The following CSMD1 variants were observed in gnomAD, a reference collection of about 807,000 sequenced individuals.
CSMD1 encodes CUB and Sushi multiple domains 1.
In CSMD1, 213 loss-of-function variants were observed where a neutral mutation model predicts 417.5. The observed-to-expected ratio is 0.51, with a 90% CI of 0.46 to 0.57. CSMD1 has a LOEUF of 0.57. Among genes scored for constraint, CSMD1 ranks in the 20% least tolerant of loss-of-function variants. The pLI, the probability that CSMD1 is intolerant of heterozygous loss-of-function variation, is 0.00. For missense variants in CSMD1, 6,923 were observed against 4,529.7 expected, an observed-to-expected ratio of 1.53 and a Z score of -15.17; for synonymous variants, 2,862 against 1,736.8, an observed-to-expected ratio of 1.65 and a Z score of -16.11.
chr8:3,471,590 C>T (rs1359880705), intron 11 of CSMD1, among the ~76,000 whole-genome samples: 1 of 136,686 alleles, frequency 7.3e-6, no homozygotes, highest in African/African-American at 2.7e-5. Context: ...CTCCTTCCTT[C>T]CCTCCCTCCT....
chr8:3,464,481 T>C (rs562187199), intron 12 of CSMD1, among the ~76,000 whole-genome samples: 2 of 151,860 alleles, frequency 1.3e-5, no homozygotes, highest in Admixed American at 6.6e-5. Context: ...AAATATAAAA[T>C]GGAGAAACTA....
chr8:3,448,899 C>T lies in CSMD1; in HGVS notation c.1561+19813G>A, dbSNP rs1262182707. 5.9e-5 allele frequency among the ~76,000 whole-genome samples: 9 copies of T among 152,318 alleles called. 1 individual carries two copies. The South Asian group carries it at 8.3e-4, about 14-fold the overall frequency. Reference sequence around the variant, plus strand: ...AGGCATAATTCTATTCCAGAAGAAGCACCTCCCTATGTATGAATGAGCCAC... The same window carrying T: ...AGGCATAATTCTATTCCAGAAGAAGTACCTCCCTATGTATGAATGAGCCAC... On this transcript the variant is annotated intron_variant, in intron 12 of 69. Coordinates refer to ENST00000635120, the MANE Select transcript of CSMD1 (RefSeq NM_033225.6).
chr8:4,304,174 C>G (rs1303003156), intron 3 of CSMD1, among the ~76,000 whole-genome samples: 1 of 152,100 alleles, frequency 6.6e-6, no homozygotes, highest in African/African-American at 2.4e-5. Context: ...TAAACCAATT[C>G]AAATTTGGGA....
intron 26 of CSMD1, among the ~76,000 whole-genome samples, chr8:3,262,959 G>C (rs1801186997): frequency 6.6e-6 from 1 of 152,202 alleles, no homozygotes; most frequent in Admixed American, 6.5e-5. Context: ...TTAATTAAAA[G>C]ACGTAATATT....
At chr8:3,399,827 C>T (rs369547444) in intron 15 of CSMD1, among the ~76,000 whole-genome samples, 4 of 152,158 alleles carry the variant, frequency 2.6e-5, no homozygotes, top group South Asian at 2.1e-4. Flanking sequence ...CATTTCATTA[C>T]GTACATGCCC....
At chr8:3,359,449 A>G in intron 20 of CSMD1, 109 bp from the exon 21 acceptor site, 1 of 804,378 alleles carries the variant, frequency 1.2e-6, no homozygotes, top group Non-Finnish European at 1.9e-6. Context: ...AAAAACCTAC[A>G]TATATATTTT....
intron 3 of CSMD1, among the ~76,000 whole-genome samples, chr8:4,218,598 GC>G (rs1387793790): frequency 2.0e-5 from 3 of 152,116 alleles, no homozygotes; most frequent in Non-Finnish European, 4.4e-5. Flanking sequence ...TTTTACAGTT[GC>G]TTAATTTCAA....
intron 1 of CSMD1, among the ~76,000 whole-genome samples, chr8:4,766,647 C>T (rs975725716): frequency 2.6e-5 from 4 of 152,180 alleles, no homozygotes; most frequent in Non-Finnish European, 5.9e-5. Context: ...TAATAAATAA[C>T]TCAGGCACTC....
At chr8:4,866,599 A>G (rs1470043561) in intron 1 of CSMD1, among the ~76,000 whole-genome samples, 1 of 151,932 alleles carries the variant, frequency 6.6e-6, no homozygotes, top group Non-Finnish European at 1.5e-5. Flanking sequence ...ATGACACACA[A>G]CTTATAAGTA....
intron 7 of CSMD1, among the ~76,000 whole-genome samples, chr8:3,655,396 C>A (rs528111176): frequency 1.3e-5 from 2 of 152,226 alleles, no homozygotes; most frequent in Non-Finnish European, 2.9e-5. Context: ...TTACTCTAGT[C>A]ACAGTAACTC....
At chr8:3,326,303 T>C (rs1053164815) in intron 23 of CSMD1, among the ~76,000 whole-genome samples, 7 of 152,264 alleles carry the variant, frequency 4.6e-5, no homozygotes, top group African/African-American at 1.7e-4. Flanking sequence ...AGTACATCAA[T>C]TAAGCATCAT....
chr8:4,456,175 A>C (rs1266056725), intron 2 of CSMD1, among the ~76,000 whole-genome samples: 2 of 151,970 alleles, frequency 1.3e-5, no homozygotes, highest in African/African-American at 4.8e-5. Context: ...TTTTGGAAAA[A>C]GCATGACACA....
chr8:3,483,597 A>G (rs112754193), intron 11 of CSMD1, among the ~76,000 whole-genome samples: 3,617 of 152,220 alleles, frequency 0.024, 154 homozygotes, highest in African/African-American at 0.082. Context: ...GAAAATAACA[A>G]AAGAGAAAAT....
chr8:4,732,855 ACT>A (rs1233824117), intron 1 of CSMD1, among the ~76,000 whole-genome samples: 1 of 151,994 alleles, frequency 6.6e-6, no homozygotes, highest in East Asian at 1.9e-4. Flanking sequence ...TGACATCCAC[ACT>A]CATTCATTTA....
At chr8:2,993,595 A>G (rs576393448) in intron 54 of CSMD1, among the ~76,000 whole-genome samples, 32 of 152,306 alleles carry the variant, frequency 2.1e-4, no homozygotes, top group African/African-American at 6.7e-4. Flanking sequence ...CAAAAGCAAG[A>G]ATAAAGCTGA....
chr8:4,273,764 T>C (rs1804749197), intron 3 of CSMD1, among the ~76,000 whole-genome samples: 1 of 152,166 alleles, frequency 6.6e-6, no homozygotes, highest in South Asian at 2.1e-4. Context: ...AGCAAGATGA[T>C]TTAGCCTCTG....
intron 49 of CSMD1, among the ~76,000 whole-genome samples, chr8:3,084,995 G>A (rs1373222765): frequency 1.3e-5 from 2 of 151,602 alleles, no homozygotes; most frequent in African/African-American, 4.8e-5. Context: ...TATCTAAAAG[G>A]TGACTAAAAG....
chr8:3,311,818 G>A (rs754909298), intron 23 of CSMD1, among the ~76,000 whole-genome samples: 9 of 152,150 alleles, frequency 5.9e-5, no homozygotes, highest in Non-Finnish European at 1.0e-4. Flanking sequence ...GGAGACATGT[G>A]TAATAACATT....
intron 3 of CSMD1, among the ~76,000 whole-genome samples, chr8:4,145,643 C>A (rs2131032670): frequency 6.6e-6 from 1 of 151,006 alleles, no homozygotes; most frequent in African/African-American, 2.5e-5. Flanking sequence ...GCCCACTTGG[C>A]CTCTCAAAGT....
Sources: allele counts gnomAD v4.1 joint callset (sites outside exome capture counted in the v4.1 genomes callset), GRCh38; gene constraint gnomAD v4.1.1; transcripts MANE v1.5; gene names NCBI Gene and HGNC (gene_info 2026-07-23, HGNC 2026-07-21).